The following CSMD1 variants were observed in gnomAD, a reference collection of about 807,000 sequenced individuals.
CSMD1 encodes CUB and sushi domain-containing protein 1.
CSMD1 carries 213 observed loss-of-function variants against 417.5 expected under a neutral mutation model. The observed-to-expected ratio is 0.51, with a 90% CI of 0.46 to 0.57. The LOEUF (loss-of-function observed/expected upper bound fraction) is 0.57, where lower values mean the gene tolerates loss of function less well. Ranked by LOEUF, CSMD1 falls within the 20% of genes least tolerant of loss-of-function variation. The probability of loss-of-function intolerance (pLI) is 0.00; values close to 1 mark genes in which losing one functional copy is unlikely to be tolerated. For synonymous variants in CSMD1, 2,862 were observed against 1,736.8 expected, an observed-to-expected ratio of 1.65 and a Z score of -16.11; for missense variants, 6,923 against 4,529.7, an observed-to-expected ratio of 1.53 and a Z score of -15.17.
At chr8:3,060,602 A>G (rs1262657579) in intron 49 of CSMD1, among the ~76,000 whole-genome samples, 1 of 152,188 alleles carries the variant, frequency 6.6e-6, no homozygotes, top group African/African-American at 2.4e-5. Flanking sequence ...TTGAAATTTG[A>G]TTTCAGAGAC....
At chr8:3,792,257 C>T (rs138729234) in intron 5 of CSMD1, among the ~76,000 whole-genome samples, 1 of 152,178 alleles carries the variant, frequency 6.6e-6, no homozygotes, top group East Asian at 1.9e-4. Flanking sequence ...AGTGCCACTA[C>T]ATGCCAGCCT....
In CSMD1 at chr8:4,221,459, C is replaced by G. The variant is rs188565979; in HGVS notation, c.416-189360G>C. On this transcript the variant is annotated intron_variant, in intron 3 of 69. Transcript: ENST00000635120. ...TAACAGACAACTGGAACTGACTTAG[C>G]AGAATTGATAAAGCTGAAATTTAAA... Among the ~76,000 whole-genome samples the G allele has an allele frequency of 3.4e-3, 513 of 151,570 alleles. 3 individuals carry two copies. Among genetic ancestry groups the G allele is most frequent in the Admixed American group, 5.9e-3 (90 of 15,240 alleles).
chr8:3,751,729 G>T (rs1797353551), intron 6 of CSMD1, among the ~76,000 whole-genome samples: 1 of 151,900 alleles, frequency 6.6e-6, no homozygotes, highest in African/African-American at 2.4e-5. Flanking sequence ...CCATCTTGGA[G>T]CAGCTTCAAA....
chr8:4,064,826 A>G (rs1254652726), intron 3 of CSMD1, among the ~76,000 whole-genome samples: 1 of 152,108 alleles, frequency 6.6e-6, no homozygotes, highest in Non-Finnish European at 1.5e-5. Context: ...TTATATCTAT[A>G]TCATGTCAAT....
At chr8:4,881,460 T>TATGTATC (rs1554509763) in intron 1 of CSMD1, among the ~76,000 whole-genome samples, 2 of 104,062 alleles carry the variant, frequency 1.9e-5, no homozygotes, top group Non-Finnish European at 4.1e-5. Context: ...TCTATCTATC[T>TATGTATC]ATCTTGTCTC....
intron 44 of CSMD1, 66 bp from the exon 45 acceptor site, chr8:3,107,864 C>A: frequency 1.0e-6 from 1 of 992,436 alleles, no homozygotes; most frequent in Non-Finnish European, 1.5e-6. Context: ...ACAACTATTA[C>A]AAAACATTCA....
chr8:4,168,649 C>G (rs549449611), intron 3 of CSMD1, among the ~76,000 whole-genome samples: 3 of 152,194 alleles, frequency 2.0e-5, no homozygotes, highest in South Asian at 2.1e-4. Flanking sequence ...GTTTTCTACT[C>G]TGGAGTACAT....
intron 23 of CSMD1, among the ~76,000 whole-genome samples, chr8:3,312,159 G>C (rs565364626): frequency 6.6e-6 from 1 of 151,890 alleles, no homozygotes. Context: ...ACTTTACTTG[G>C]GTTGCATTTT....
chr8:4,743,107 C>T (rs1193544504), intron 1 of CSMD1, among the ~76,000 whole-genome samples: 1 of 152,074 alleles, frequency 6.6e-6, no homozygotes, highest in Non-Finnish European at 1.5e-5. Context: ...AGTATATAAT[C>T]TGAAAATAAA....
Position 3,307,691 on chromosome 8 carries a change from G to C in CSMD1, c.3950+4C>G, listed in dbSNP as rs750616974. The C allele has an allele frequency of 9.3e-6, 15 of 1,612,164 alleles. No homozygotes were observed. Among genetic ancestry groups the C allele is most frequent in the African/African-American group, 1.3e-5 (1 of 74,830 alleles). On this transcript the variant is annotated splice_donor_region_variant and intron_variant, in intron 25 of 69. Transcript: ENST00000635120. ...AATCACTGAAACCAAAATAAAACAA[G>C]TACCTAATGGTCTTTCCTGGGTCTG...
chr8:3,571,854 G>A (rs897236756), intron 10 of CSMD1, among the ~76,000 whole-genome samples: 1 of 152,034 alleles, frequency 6.6e-6, no homozygotes, highest in Non-Finnish European at 1.5e-5. Flanking sequence ...CAAACTCTGC[G>A]TCTCACGTCT....
intron 2 of CSMD1, among the ~76,000 whole-genome samples, chr8:4,526,401 C>T (rs1456782806): frequency 1.3e-5 from 2 of 152,226 alleles, no homozygotes; most frequent in African/African-American, 2.4e-5. Flanking sequence ...TTGCATCTTA[C>T]TTATGTATGC....
chr8:3,404,432 C>A (rs906002377), intron 15 of CSMD1, among the ~76,000 whole-genome samples: 2 of 151,874 alleles, frequency 1.3e-5, no homozygotes, highest in Non-Finnish European at 2.9e-5. Context: ...GGTGAAGGAT[C>A]ATGCCCCCAC....
At chr8:4,831,849 T>A (rs1450833038) in intron 1 of CSMD1, among the ~76,000 whole-genome samples, 1 of 151,602 alleles carries the variant, frequency 6.6e-6, no homozygotes, top group Non-Finnish European at 1.5e-5. Context: ...AAGCACAGTG[T>A]GTGCCACATC....
intron 23 of CSMD1, among the ~76,000 whole-genome samples, chr8:3,321,135 T>C (rs1806127893): frequency 6.6e-6 from 1 of 152,118 alleles, no homozygotes; most frequent in African/African-American, 2.4e-5. Flanking sequence ...CAAAGCCCCC[T>C]GCACCCACCA....
chr8:3,378,791 T>C (rs917074665), intron 18 of CSMD1, among the ~76,000 whole-genome samples: 4 of 152,206 alleles, frequency 2.6e-5, no homozygotes, highest in South Asian at 2.1e-4. Flanking sequence ...GCCAATATCA[T>C]GCTGAATGGG....
intron 1 of CSMD1, among the ~76,000 whole-genome samples, chr8:4,861,821 T>C (rs1002195222): frequency 6.6e-6 from 1 of 152,102 alleles, no homozygotes; most frequent in Non-Finnish European, 1.5e-5. Context: ...AAGAATTATG[T>C]ATTGATTTCA....
At chr8:4,814,132 G>A (rs538345222) in intron 1 of CSMD1, among the ~76,000 whole-genome samples, 1 of 152,134 alleles carries the variant, frequency 6.6e-6, no homozygotes, top group Non-Finnish European at 1.5e-5. Flanking sequence ...CTATTTCTTG[G>A]AATATATAAC....
chr8:4,002,204 A>T (rs927845741), intron 4 of CSMD1, among the ~76,000 whole-genome samples: 2 of 150,576 alleles, frequency 1.3e-5, no homozygotes, highest in African/African-American at 2.4e-5. Flanking sequence ...GGTGCCTGTG[A>T]GTGTGTGTGT....
Sources: allele counts gnomAD v4.1 joint callset (sites outside exome capture counted in the v4.1 genomes callset), GRCh38; gene constraint gnomAD v4.1.1; transcripts MANE v1.5; gene names NCBI Gene and HGNC (gene_info 2026-07-23, HGNC 2026-07-21).